CPNE2: variants seen among roughly 807,000 people sequenced by gnomAD.
The protein encoded by CPNE2 is copine-2.
Under a neutral mutation model 69.7 loss-of-function variants are expected in CPNE2, and 42 were observed. That is an observed-to-expected ratio of 0.60 (90% CI 0.47 to 0.78). CPNE2 has a LOEUF of 0.78. Ranked by LOEUF, CPNE2 falls within the 30% of genes least tolerant of loss-of-function variation. The pLI, the probability that CPNE2 is intolerant of heterozygous loss-of-function variation, is 0.00. For synonymous variants in CPNE2, 294 were observed against 289.8 expected, an observed-to-expected ratio of 1.01 and a Z score of -0.15; for missense variants, 587 against 732.0, an observed-to-expected ratio of 0.80 and a Z score of 2.29.
intron 3 of CPNE2, among the ~76,000 whole-genome samples, chr16:57,115,156 C>G (rs531333766): frequency 6.6e-6 from 1 of 152,284 alleles, no homozygotes; most frequent in African/African-American, 2.4e-5. Flanking sequence ...TGGAATGCCT[C>G]TGGAGGAGGG....
intron 1 of CPNE2, among the ~76,000 whole-genome samples, chr16:57,097,677 G>T (rs1247121881): frequency 6.6e-6 from 1 of 152,190 alleles, no homozygotes; most frequent in Non-Finnish European, 1.5e-5. Context: ...GGCAGGCAGT[G>T]GCAGCAGGTG....
At chr16:57,115,210 T>G (rs1457632085) in intron 3 of CPNE2, among the ~76,000 whole-genome samples, 1 of 152,188 alleles carries the variant, frequency 6.6e-6, no homozygotes, top group African/African-American at 2.4e-5. Flanking sequence ...AAATGCCTTT[T>G]CCTAGGGGCA....
rs141296524 is a variant in CPNE2 at position 57,134,945 on chromosome 16, T to C, written c.1168+119T>C. 2.0e-3 allele frequency: 2,188 copies of C among 1,120,896 alleles called. 27 individuals carry two copies. The African/African-American group carries it at 0.029, about 15-fold the overall frequency. 69.4% of individuals were successfully genotyped at this position (1,120,896 alleles called of 1,614,324 possible). A position where few individuals can be genotyped will look rare whatever the true frequency, so the allele number is the denominator to read the frequency against. On this transcript the variant is annotated intron_variant, in intron 13 of 15. Coordinates refer to ENST00000290776, the MANE Select transcript of CPNE2 (RefSeq NM_152727.6). ...CTTTCTCCTTTCCCCTCCCCCTTAC[T>C]GTTGCTCAGAGTGACAGAGGGGGAA...
Position 57,137,151 on chromosome 16 carries a change from G to A in CPNE2, c.1171G>A (p.Val391Met), listed in dbSNP as rs2069887586. ...FNPTNPFCSG[V>M]DGIAQAYSAC... Reference sequence around the variant, plus strand: ...TCCAGACTCTTCTCCCGAGGCAGGTGTGGATGGTATTGCCCAGGCGTACTC... The same window carrying A: ...TCCAGACTCTTCTCCCGAGGCAGGTATGGATGGTATTGCCCAGGCGTACTC... Residue 391 changes from valine (V) to methionine (M), a missense_variant and splice_region_variant, in exon 14 of 16, where the codon GTG becomes ATG. By Grantham distance (21) the Val-to-Met change is conservative. Coordinates refer to ENST00000290776, the MANE Select transcript of CPNE2 (RefSeq NM_152727.6). The A allele has an allele frequency of 5.6e-6, 9 of 1,613,954 alleles. No individual in the cohort carries two copies. The highest frequency in any genetic ancestry group is 7.6e-6 in the Non-Finnish European group (9 of 1,179,932).
chr16:57,123,260 A>G, intron 9 of CPNE2, 154 bp from the exon 10 acceptor site: 1 of 736,312 alleles, frequency 1.4e-6, no homozygotes, highest in Non-Finnish European at 2.4e-6. Context: ...GCTTTGTTAT[A>G]GAGAGATTTG....
intron 10 of CPNE2, chr16:57,125,602 T>G: frequency 1.9e-6 from 1 of 522,916 alleles, no homozygotes; most frequent in Non-Finnish European, 3.5e-6. Context: ...AAAAGGAATC[T>G]GGGACTGTAC....
rs2069960466 is a variant in CPNE2 at position 57,146,594 on chromosome 16, G to T, written c.1539+273G>T. The T allele has an allele frequency of 4.3e-6, 2 of 462,650 alleles. No individual in the cohort carries two copies. The highest frequency in any genetic ancestry group is 4.8e-5 in the South Asian group (2 of 41,858). The allele number at this position is 462,650 out of a possible 1,614,324, so 28.7% of individuals were successfully genotyped here. ...TGAGGCTCTGGGGCAGGGCTTCCTG[G>T]AGGACCTGCCCTCTAGTGGGGTCTG... On this transcript the variant is annotated intron_variant, in intron 15 of 15. Transcript: ENST00000290776. The surrounding 1 kb of genome is among the most constrained non-coding windows in gnomAD (Gnocchi z 4.4).
At chr16:57,121,851 C>T in intron 9 of CPNE2, 91 bp downstream of exon 9, 1 of 1,265,802 alleles carries the variant, frequency 7.9e-7, no homozygotes. Flanking sequence ...GCCAGCGAGG[C>T]CTGTGTTCAA....
chr16:57,094,095 AGCTCCAGGACC>A lies in CPNE2; in HGVS notation c.-36+1308_-36+1318del, dbSNP rs147150972. ...ATTCCGCCTGGCATAGGTCCAGGTGAGCTCCAGGACCGCCCCAGCCAGCTGGATTGGAAGGG... is the reference window on the plus strand; with the variant it reads ...ATTCCGCCTGGCATAGGTCCAGGTGAGCCCCAGCCAGCTGGATTGGAAGGG... On this transcript the variant is annotated intron_variant, in intron 1 of 15. Transcript: ENST00000290776. The A allele has an allele frequency of 2.6e-3, 1,184 of 456,570 alleles. 17 individuals are homozygous for A. Among genetic ancestry groups the A allele is most frequent in the African/African-American group, 0.022 (1,079 of 50,164 alleles). The allele number at this position is 456,570 out of a possible 1,614,324, so 28.3% of individuals were successfully genotyped here.
intron 5 of CPNE2, 30 bp downstream of exon 5, chr16:57,117,597 G>A: frequency 7.5e-6 from 12 of 1,608,686 alleles, no homozygotes; most frequent in South Asian, 1.1e-5. Context: ...GGCTCCCATT[G>A]GGAACAGTAG....
rs548667012 is a variant in CPNE2 at position 57,119,246 on chromosome 16, G to A, written c.559G>A (p.Asp187Asn). ...PFLEFYKPGD[D>N]GKWMLVHRTE... ...TCTGGAGTTTTATAAGCCAGGAGACGATGGCAAGTGGATGCTGGTCCACAG... is the reference window on the plus strand; with the variant it reads ...TCTGGAGTTTTATAAGCCAGGAGACAATGGCAAGTGGATGCTGGTCCACAG... The change falls in exon 6 of 16, where the codon GAT becomes AAT. Residue 187 changes from aspartate to asparagine, a missense_variant. Asp to Asn is a conservative substitution (Grantham distance 23). Transcript: ENST00000290776. 114 of 1,614,150 alleles carry A rather than the reference G, an allele frequency of 7.1e-5. No individual in the cohort carries two copies. Among genetic ancestry groups the A allele is most frequent in the Non-Finnish European group, 9.2e-5 (108 of 1,180,034 alleles).
At chr16:57,139,400 G>A (rs2069905555) in intron 14 of CPNE2, among the ~76,000 whole-genome samples, 1 of 152,188 alleles carries the variant, frequency 6.6e-6, no homozygotes, top group East Asian at 1.9e-4. Flanking sequence ...TCCCCAATTT[G>A]GGGAGGTTCA....
chr16:57,146,319 A>C lies in CPNE2; in HGVS notation c.1537A>C (p.Asn513His). 1.3e-6 allele frequency: 2 copies of C among 1,548,716 alleles called. No individual in the cohort carries two copies. Among genetic ancestry groups the C allele is most frequent in the Non-Finnish European group, 1.7e-6 (2 of 1,144,276 alleles). ...VQFVPFREFR[N>H]AAKETLAKAV... is the part of the protein sequence containing the mutation. ...GTTCGTTCCCTTTCGAGAGTTCCGC[A>C]ACGTGAGTGTGGGCCTGGGCTGGGA... The change falls in exon 15 of 16, where the codon AAC becomes CAC. Residue 513 changes from asparagine to histidine, a missense_variant and splice_region_variant. Asn to His is a moderately conservative substitution (Grantham distance 68, BLOSUM62 1). Around this residue, in one of 5 missense-constraint regions of CPNE2, gnomAD observed 185 missense variants for 252.3 expected, o/e 0.73. Transcript: ENST00000290776. This position sits in a 1 kb window ranked among gnomAD's most constrained non-coding sequence, Gnocchi z 4.4.
At chr16:57,110,990 C>T (rs1433151006) in intron 2 of CPNE2, 68 bp downstream of exon 2, 9 of 1,458,638 alleles carry the variant, frequency 6.2e-6, no homozygotes, top group African/African-American at 1.4e-5. Context: ...GGGAGTCTCC[C>T]AGGACTGGGA....
intron 9 of CPNE2, among the ~76,000 whole-genome samples, chr16:57,122,905 CTT>C (rs34556326): frequency 3.1e-3 from 450 of 145,444 alleles, no homozygotes; most frequent in Middle Eastern, 3.6e-3. Context: ...TTTCTTTTCT[CTT>C]TTTTTTTTTT....
In CPNE2 at chr16:57,110,817, G is replaced by T. The variant is rs898890646; in HGVS notation, c.75G>T (p.Lys25Asn). 3 of 1,613,930 alleles carry T rather than the reference G, an allele frequency of 1.9e-6. No individual in the cohort carries two copies. The African/African-American group carries it at 4.0e-5, about 22-fold the overall frequency. ...TGGGCCCCCAGTATTGCGTGTGCAA[G>T]GTGGAGCTGTCAGTGAGTGGCCAGA... ...APMGPQYCVC[K>N]VELSVSGQNL... The change falls in exon 2 of 16, where the codon AAG (lysine) becomes AAT (asparagine). Residue 25 changes from lysine to asparagine, a missense_variant. Coordinates refer to ENST00000290776, the MANE Select transcript of CPNE2 (RefSeq NM_152727.6).
intron 12 of CPNE2, among the ~76,000 whole-genome samples, chr16:57,133,309 G>T (rs1277738660): frequency 5.9e-5 from 9 of 152,104 alleles, no homozygotes; most frequent in Non-Finnish European, 1.0e-4. Flanking sequence ...AAACCCCATT[G>T]CCTGAAACGG....
intron 10 of CPNE2, chr16:57,125,150 G>T: frequency 1.1e-5 from 4 of 378,274 alleles, no homozygotes; most frequent in South Asian, 7.4e-5. Context: ...CTACCCCTCT[G>T]TGCCCTTTCT....
At position 57,148,361 on chromosome 16, in the gene CPNE2, T is replaced by C. The variant is rs139554478; in HGVS notation, c.*703T>C. On this transcript the variant is annotated 3_prime_UTR_variant, in exon 16 of 16. Transcript: ENST00000290776. Reference sequence around the variant, plus strand: ...AACTCAATAAATATTCATGGATGAATAGAATGAATGTGCAGGCCCATACCA... The same window carrying C: ...AACTCAATAAATATTCATGGATGAACAGAATGAATGTGCAGGCCCATACCA... 3.9e-4 allele frequency: 59 copies of C among 152,350 alleles called. No homozygotes were observed. Among genetic ancestry groups the C allele is most frequent in the African/African-American group, 1.2e-3 (51 of 41,588 alleles). The allele number at this position is 152,350 out of a possible 1,614,324, so 9.4% of individuals were successfully genotyped here.
Sources: allele counts gnomAD v4.1 joint callset (sites outside exome capture counted in the v4.1 genomes callset), GRCh38; gene constraint gnomAD v4.1.1; regional missense constraint gnomAD v4.1.1; non-coding constraint Gnocchi (gnomAD v3.1); transcripts MANE v1.5; gene names NCBI Gene and HGNC (gene_info 2026-07-23, HGNC 2026-07-21).